The following LARGE1 variants were observed in gnomAD, a reference collection of about 807,000 sequenced individuals.
LARGE1 encodes the protein xylosyl- and glucuronyltransferase LARGE1.
A neutral mutation model predicts 87.6 loss-of-function variants in LARGE1; 43 were observed. That is an observed-to-expected ratio of 0.49 (90% CI 0.38 to 0.63). The LOEUF (loss-of-function observed/expected upper bound fraction) is 0.63. LARGE1 is among the 30% of genes least tolerant of loss of function. The probability of loss-of-function intolerance (pLI) is 0.00; values close to 1 mark genes in which losing one functional copy is unlikely to be tolerated. For synonymous variants in LARGE1, 434 were observed against 394.6 expected, an observed-to-expected ratio of 1.10 and a Z score of -1.18; for missense variants, 802 against 1,000.2, an observed-to-expected ratio of 0.80 and a Z score of 2.67.
At chr22:33,660,212 AT>A (rs2081084464) in intron 2 of LARGE1, among the ~76,000 whole-genome samples, 1 of 151,576 alleles carries the variant, frequency 6.6e-6, no homozygotes, top group Non-Finnish European at 1.5e-5. Context: ...GGCCCGTCAT[AT>A]ACTCAAGGAG....
intron 6 of LARGE1, among the ~76,000 whole-genome samples, chr22:33,472,353 T>C (rs1408728422): frequency 6.6e-6 from 1 of 152,004 alleles, no homozygotes; most frequent in Non-Finnish European, 1.5e-5. Flanking sequence ...GGAGAGGAGA[T>C]AAAGAAAAAG....
chr22:33,870,194 G>A (rs2064231980), intron 1 of LARGE1, among the ~76,000 whole-genome samples: 1 of 152,180 alleles, frequency 6.6e-6, no homozygotes, highest in African/African-American at 2.4e-5. Context: ...GGGGCTTAGA[G>A]GGACGCATCT....
intron 1 of LARGE1, among the ~76,000 whole-genome samples, chr22:33,842,118 C>T (rs1196257650): frequency 1.3e-5 from 2 of 152,180 alleles, no homozygotes; most frequent in African/African-American, 4.8e-5. Context: ...TGGTTCCTTA[C>T]CATCTAGAAA....
At chr22:33,829,883 C>T (rs1250858281) in intron 1 of LARGE1, among the ~76,000 whole-genome samples, 2 of 152,130 alleles carry the variant, frequency 1.3e-5, no homozygotes, top group Non-Finnish European at 2.9e-5. Context: ...AAGGAGCTCC[C>T]AGTCATCCTA....
chr22:33,853,508 G>T (rs1253187970), intron 1 of LARGE1, among the ~76,000 whole-genome samples: 1 of 152,154 alleles, frequency 6.6e-6, no homozygotes, highest in Non-Finnish European at 1.5e-5. Flanking sequence ...CAAAGGCAGG[G>T]TTTATTTTCA....
rs543545264 is a variant in LARGE1 at position 33,631,099 on chromosome 22, C to T, written c.409-4773G>A. On this transcript the variant is annotated intron_variant, in intron 3 of 14. Coordinates refer to ENST00000397394, the MANE Select transcript of LARGE1 (RefSeq NM_133642.5). ...CAATCTCCTGACCTCGTGATCCACCCGCCTCAGCCTCCCAAAGTGCTGGGA... is the reference window on the plus strand; with the variant it reads ...CAATCTCCTGACCTCGTGATCCACCTGCCTCAGCCTCCCAAAGTGCTGGGA... Among the ~76,000 whole-genome samples the T allele has an allele frequency of 5.9e-5, 9 of 152,208 alleles. No individual in the cohort carries two copies. In the South Asian group the frequency reaches 8.3e-4, roughly 14 times the overall value.
intron 10 of LARGE1, chr22:33,322,582 C>G (rs1936851738): frequency 6.6e-6 from 1 of 152,168 alleles, no homozygotes; most frequent in Admixed American, 6.5e-5. Context: ...GTCCTCAGCC[C>G]CTGTATGTTA....
At chr22:33,341,106 C>T (rs1482121508) in intron 9 of LARGE1, among the ~76,000 whole-genome samples, 3 of 152,068 alleles carry the variant, frequency 2.0e-5, no homozygotes, top group Non-Finnish European at 4.4e-5. Context: ...AAGGTGATGA[C>T]ATTAGGAGGT....
the LARGE1 span, among the ~76,000 whole-genome samples, chr22:33,113,963 C>T: frequency 8.6e-5 from 13 of 151,838 alleles, no homozygotes; most frequent in African/African-American, 2.9e-4. Context: ...CTCCGCCTCC[C>T]GGGTTCACGC....
chr22:33,437,966 CACCT>C (rs1367301376), intron 6 of LARGE1, among the ~76,000 whole-genome samples: 4 of 152,066 alleles, frequency 2.6e-5, no homozygotes, highest in Admixed American at 2.6e-4. Flanking sequence ...CCCACCGAGT[CACCT>C]ACCACATCCC....
intron 3 of LARGE1, among the ~76,000 whole-genome samples, chr22:33,629,142 T>C (rs1349776496): frequency 1.3e-5 from 2 of 152,156 alleles, no homozygotes; most frequent in East Asian, 1.9e-4. Flanking sequence ...CTCTGGATAA[T>C]ATCTGTAAAA....
intron 7 of LARGE1, among the ~76,000 whole-genome samples, chr22:33,402,758 T>TTTGGTTTAA (rs2065965809): frequency 6.6e-6 from 1 of 152,148 alleles, no homozygotes; most frequent in Non-Finnish European, 1.5e-5. Context: ...ACTAGTTTCT[T>TTTGGTTTAA]CCTATTGACC....
At chr22:33,825,029 G>C (rs77246227) in intron 1 of LARGE1, among the ~76,000 whole-genome samples, 2,545 of 152,208 alleles carry the variant, frequency 0.017, 87 homozygotes, top group African/African-American at 0.059. Context: ...AAGTGAATTT[G>C]GTCATCTCCA....
intron 5 of LARGE1, among the ~76,000 whole-genome samples, chr22:33,570,068 A>G (rs186248624): frequency 3.2e-4 from 49 of 152,298 alleles, no homozygotes; most frequent in Non-Finnish European, 5.7e-4. Context: ...TGGGCTATAG[A>G]ACTGGTTCTA....
chr22:33,567,562 A>G (rs2078065479), intron 5 of LARGE1, among the ~76,000 whole-genome samples: 1 of 152,178 alleles, frequency 6.6e-6, no homozygotes, highest in Non-Finnish European at 1.5e-5. Context: ...AGGTTTGCTC[A>G]GCTTTTCTGA....
intron 11 of LARGE1, among the ~76,000 whole-genome samples, chr22:33,218,687 C>T (rs544573438): frequency 6.6e-6 from 1 of 152,244 alleles, no homozygotes; most frequent in African/African-American, 2.4e-5. Context: ...TCATATGATC[C>T]TTTTATCAAC....
At chr22:33,093,285 A>G in the LARGE1 span, among the ~76,000 whole-genome samples, 1 of 152,224 alleles carries the variant, frequency 6.6e-6, no homozygotes, top group Non-Finnish European at 1.5e-5. Context: ...GGTGAAAAAG[A>G]AAGGCTTCTC....
chr22:33,730,441 T>G (rs1447206089), intron 2 of LARGE1, among the ~76,000 whole-genome samples: 1 of 152,202 alleles, frequency 6.6e-6, no homozygotes, highest in Non-Finnish European at 1.5e-5. Flanking sequence ...TGCATGCCTG[T>G]ACCAAAACAA....
chr22:33,464,801 TA>T (rs2068520914), intron 6 of LARGE1, among the ~76,000 whole-genome samples: 1 of 152,038 alleles, frequency 6.6e-6, no homozygotes, highest in Non-Finnish European at 1.5e-5. Context: ...TGGCAGTCAC[TA>T]ATAAAGTTGA....
Sources: allele counts gnomAD v4.1 joint callset (sites outside exome capture counted in the v4.1 genomes callset), GRCh38; gene constraint gnomAD v4.1.1; transcripts MANE v1.5; gene names NCBI Gene and HGNC (gene_info 2026-07-23, HGNC 2026-07-21).